ST7L: variants seen among roughly 807,000 people sequenced by gnomAD.
ST7L encodes the protein suppression of tumorigenicity 7 like.
Under a neutral mutation model 72.5 loss-of-function variants are expected in ST7L, and 57 were observed. The ratio of observed to expected loss-of-function variants is 0.79; its 90% CI spans 0.64 to 0.98. ST7L has a LOEUF of 0.98. Among genes scored for constraint, ST7L ranks in the 50% least tolerant of loss-of-function variants. The pLI is 0.00. For missense variants in ST7L, 576 were observed against 672.2 expected, an observed-to-expected ratio of 0.86 and a Z score of 1.58; for synonymous variants, 221 against 240.9, an observed-to-expected ratio of 0.92 and a Z score of 0.77.
At chr1:112,544,624 A>C (rs1656757649) in intron 13 of ST7L, among the ~76,000 whole-genome samples, 1 of 152,232 alleles carries the variant, frequency 6.6e-6, no homozygotes, top group African/African-American at 2.4e-5. Flanking sequence ...AACACATACA[A>C]GACAGCAAAG....
rs370327026 is a variant in ST7L, at chr1:112,582,104, C to A, written c.957G>T (p.Leu319Phe). ...TGGTAAGAGGAGGAAATTCTTTCAT[C>A]AACTGTATATTAAAAGGAAAAGAAA... ...IREAVKIMRD[L>F]MKEFPPLTML... The change falls in exon 9 of 15, where the codon TTG (leucine) becomes TTT (phenylalanine). Residue 319 changes from leucine (L) to phenylalanine (F), a missense_variant and splice_region_variant. Around this residue, in one of 3 missense-constraint regions of ST7L, gnomAD observed 511 missense variants for 600.7 expected, o/e 0.85. Coordinates refer to ENST00000358039, the MANE Select transcript of ST7L (RefSeq NM_017744.5). 6.3e-6 allele frequency: 10 copies of A among 1,583,806 alleles called. No homozygotes were observed. In the African/African-American group the frequency reaches 1.3e-4, roughly 21 times the overall value.
chr1:112,609,433 A>G (rs1449230736), intron 3 of ST7L, among the ~76,000 whole-genome samples: 1 of 151,994 alleles, frequency 6.6e-6, no homozygotes, highest in Non-Finnish European at 1.5e-5. Flanking sequence ...TGGGAGGCTG[A>G]GGAAGGAGAA....
At chr1:112,551,152 TTTTTTTTTTTTTTTG>T (rs1658087305) in intron 12 of ST7L, among the ~76,000 whole-genome samples, 1 of 137,226 alleles carries the variant, frequency 7.3e-6, no homozygotes. Context: ...TTTTTTTTTT[TTTTTTTTTTTTTTTG>T]AGACAGAGTC....
intron 4 of ST7L, among the ~76,000 whole-genome samples, chr1:112,599,074 ATATATATATATATATATATATATAT>A (rs1666968443): frequency 7.4e-5 from 3 of 40,278 alleles, no homozygotes; most frequent in South Asian, 2.3e-3. Context: ...AAAAAAAAAA[ATATATATATATATATATATATATAT>A]ATATATATAT....
chr1:112,556,028 T>C lies in ST7L; in HGVS notation c.1246-10A>G, dbSNP rs578069823. 2.5e-5 allele frequency: 40 copies of C among 1,581,016 alleles called. No individual in the cohort carries two copies. The East Asian group carries it at 7.0e-4, about 28-fold the overall frequency. On this transcript the variant is annotated splice_polypyrimidine_tract_variant and intron_variant, in intron 11 of 14. Transcript: ENST00000358039. ...TCATCTCTAATAAATACTGAAAGAG[T>C]AACACACAGACACATATACACACAA...
chr1:112,581,386 AGGGCTC>A (rs1165636032), intron 9 of ST7L, among the ~76,000 whole-genome samples: 1 of 145,472 alleles, frequency 6.9e-6, no homozygotes, highest in East Asian at 2.1e-4. Flanking sequence ...AAATCCTATG[AGGGCTC>A]CCCGTCTTTT....
intron 4 of ST7L, among the ~76,000 whole-genome samples, chr1:112,600,032 CCT>C (rs560081682): frequency 6.6e-6 from 1 of 152,104 alleles, no homozygotes; most frequent in Admixed American, 6.6e-5. Context: ...TAGCAAGACC[CCT>C]GTCTACCAAA....
At position 112,578,641 on chromosome 1, in the gene ST7L, G is replaced by A. The variant is rs558192399; in HGVS notation, c.1070-224C>T. ...ATACAAAAATTTGCCAGGCATGGTG[G>A]CGCATGCCTGTAATCCCAGCTACTC... On this transcript the variant is annotated intron_variant, in intron 9 of 14. Coordinates refer to ENST00000358039, the MANE Select transcript of ST7L (RefSeq NM_017744.5). Among the ~76,000 whole-genome samples the A allele has an allele frequency of 3.9e-5, 6 of 152,258 alleles. No homozygotes were observed. In the South Asian group the frequency reaches 1.2e-3, roughly 32 times the overall value.
chr1:112,556,966 C>CAAAAAAAAAAAAAAAAAAAAAAAAAA (rs60106072), intron 11 of ST7L, among the ~76,000 whole-genome samples: 11 of 49,524 alleles, frequency 2.2e-4, no homozygotes, highest in East Asian at 4.5e-4. Flanking sequence ...GACTCTGTCT[C>CAAAAAAAAAAAAAAAAAAAAAAAAAA]AAAAAAAAAA....
chr1:112,520,184 C>T (rs897046780), downstream of ST7L: 12 of 1,282,228 alleles, frequency 9.4e-6, no homozygotes, highest in African/African-American at 5.9e-5. Context: ...CCCAAAAAAG[C>T]GATTCTTTTT....
chr1:112,584,045 G>A lies in ST7L; in HGVS notation c.783C>T (p.Leu261=). The A allele has an allele frequency of 6.2e-7, 1 of 1,614,112 alleles. No individual in the cohort carries two copies. The highest frequency in any genetic ancestry group is 8.5e-7 in the Non-Finnish European group (1 of 1,180,014). ...GCCTATAAATTGTTTCTCCTGCCTT[G>A]AGTGCCTGTTTAAATAACCTTTCAG... ...VDAERLFKQA[L]KAGETIYRQS... Residue 261 remains leucine, a synonymous_variant, in exon 7 of 15, where the codon CTC becomes CTT. Transcript: ENST00000358039.
intron 6 of ST7L, among the ~76,000 whole-genome samples, chr1:112,589,075 G>T (rs1166324594): frequency 6.6e-6 from 1 of 151,864 alleles, no homozygotes; most frequent in South Asian, 2.1e-4. Flanking sequence ...TTCAATTCTG[G>T]AATTTCTATT....
At chr1:112,553,077 T>C (rs996348371) in intron 12 of ST7L, among the ~76,000 whole-genome samples, 5 of 150,196 alleles carry the variant, frequency 3.3e-5, no homozygotes, top group Admixed American at 6.7e-5. Context: ...AGATATTCAT[T>C]GAGTATAGAC....
At chr1:112,579,280 A>G (rs1663683905) in intron 9 of ST7L, among the ~76,000 whole-genome samples, 1 of 150,182 alleles carries the variant, frequency 6.7e-6, no homozygotes, top group South Asian at 2.1e-4. Context: ...GCTACTCAGG[A>G]GGCTGAGGCA....
chr1:112,584,552 A>G (rs1189817443), intron 6 of ST7L, among the ~76,000 whole-genome samples: 1 of 152,152 alleles, frequency 6.6e-6, no homozygotes, highest in East Asian at 1.9e-4. Flanking sequence ...CAATGGCCCA[A>G]TCTTGGCTCA....
At chr1:112,605,192 C>T (rs1668033337) in intron 3 of ST7L, among the ~76,000 whole-genome samples, 1 of 150,634 alleles carries the variant, frequency 6.6e-6, no homozygotes, top group African/African-American at 2.4e-5. Flanking sequence ...AAGTTCAAGA[C>T]CAGCCTGGCC....
At position 112,582,048 on chromosome 1, in the gene ST7L, G is replaced by A. The variant is rs770250157; in HGVS notation, c.1013C>T (p.Ser338Leu). ...TGGATAGGCCTGTAATTCTAAAAGT[G>A]ATTCTAAGAGATTTTCATGGATGTT... ...MLNIHENLLESLLELQAYPDV... is the reference protein window; with the variant it reads ...MLNIHENLLELLLELQAYPDV... Residue 338 changes from serine to leucine, a missense_variant, in exon 9 of 15, where the codon TCA becomes TTA. Physicochemically the swap from Ser to Leu is moderately radical, Grantham distance 145. This residue lies in a region of ST7L where 511 missense variants were observed against 600.7 expected (regional missense o/e 0.85). Transcript: ENST00000358039. 6.2e-7 allele frequency: 1 copy of A among 1,613,460 alleles called. No homozygotes were observed. The highest frequency in any genetic ancestry group is 1.1e-5 in the South Asian group (1 of 91,028).
At chr1:112,619,257 G>T, upstream of ST7L, 1 of 726,640 alleles carries the variant, frequency 1.4e-6, no homozygotes, top group Non-Finnish European at 2.2e-6. Context: ...GATTTCGAAG[G>T]TGGAGGAGCG....
intron 9 of ST7L, among the ~76,000 whole-genome samples, chr1:112,579,158 G>C (rs1663650834): frequency 6.6e-6 from 1 of 152,134 alleles, no homozygotes; most frequent in South Asian, 2.1e-4. Flanking sequence ...GCTGAGGTGG[G>C]TGGATCACGA....
Sources: gnomAD v4.1 joint callset for allele counts (sites outside exome capture counted in the v4.1 genomes callset) on GRCh38, gnomAD v4.1.1 for gene constraint, gnomAD v4.1.1 regional missense constraint, MANE v1.5 for transcripts, NCBI Gene and HGNC (gene_info 2026-07-23, HGNC 2026-07-21) for gene names.